GRIN3A: variants seen among roughly 807,000 people sequenced by gnomAD.
The protein encoded by GRIN3A is glutamate receptor ionotropic, NMDA 3A.
Under a neutral mutation model 92.4 loss-of-function variants are expected in GRIN3A, and 47 were observed. The observed-to-expected ratio is 0.51, with a 90% CI of 0.40 to 0.65. The LOEUF (loss-of-function observed/expected upper bound fraction) is 0.65. GRIN3A is among the 30% of genes least tolerant of loss of function. The pLI is 0.00. For missense variants in GRIN3A, 1,324 were observed against 1,393.1 expected (o/e 0.95, Z 0.79); for synonymous variants, 527 against 540.6 (o/e 0.97, Z 0.35).
At chr9:101,627,311 A>G (rs970124169) in intron 4 of GRIN3A, among the ~76,000 whole-genome samples, 1 of 152,224 alleles carries the variant, frequency 6.6e-6, no homozygotes, top group Non-Finnish European at 1.5e-5. Context: ...GCTATAGTTA[A>G]AAGTCCATAA....
chr9:101,669,955 A>C, intron 3 of GRIN3A, 105 bp downstream of exon 3: 1 of 873,282 alleles, frequency 1.1e-6, no homozygotes, highest in Non-Finnish European at 1.9e-6. Flanking sequence ...GGCTGAGAGA[A>C]TATTCCTGTG....
At position 101,686,750 on chromosome 9, in the gene GRIN3A, C is replaced by T; in HGVS notation, c.1150G>A (p.Val384Ile). The T allele has an allele frequency of 6.2e-7, 1 of 1,614,178 alleles. No individual in the cohort carries two copies. Residue 384 changes from valine (V) to isoleucine (I), a missense_variant, in exon 2 of 9, where the codon GTC (valine) becomes ATC (isoleucine). Physicochemically the swap from Val to Ile is conservative, Grantham distance 29 (BLOSUM62 3). Transcript: ENST00000361820. ...GCATCTTGTACGTAGTGCTCAAAGA[C>T]AGACTGTGTTGTTTTTCCATGAGCA... is the stretch of plus-strand genomic sequence containing the variant. The part of the protein sequence containing the change: ...LIAHGKTTQS[V>I]FEHYVQDAME...
rs977048396 is a variant in GRIN3A at position 101,737,363 on chromosome 9, A to G, written c.617T>C (p.Met206Thr). Residue 206 changes from methionine to threonine, a missense_variant, in exon 1 of 9, where the codon ATG becomes ACG. By Grantham distance (81) the Met-to-Thr change is moderately conservative. Coordinates refer to ENST00000361820, the MANE Select transcript of GRIN3A (RefSeq NM_133445.3). ...TAAGCTGACCAAGTCGAGCTCCATC[A>G]TTTCGCCCTGGCTCTGGGGGAAGGC... is the stretch of plus-strand genomic sequence containing the variant. ...LLAFPQSQGE[M>T]MELDLVSLVL... The G allele has an allele frequency of 2.0e-5, 32 of 1,613,986 alleles. No homozygotes were observed. Among genetic ancestry groups the G allele is most frequent in the African/African-American group, 5.3e-5 (4 of 74,904 alleles).
At position 101,626,222 on chromosome 9, in the gene GRIN3A, C is replaced by T. The variant is rs144489335; in HGVS notation, c.2498+2034G>A. On this transcript the variant is annotated intron_variant, in intron 4 of 8. Transcript: ENST00000361820. ...GCATTATTTAAAAATACATATCACA[C>T]ATCACAAGAAAACCAGTCACATATT... is the stretch of plus-strand genomic sequence containing the variant. Among the ~76,000 whole-genome samples, 948 of 152,282 alleles carry T rather than the reference C, an allele frequency of 6.2e-3. 6 individuals carry two copies. The highest frequency in any genetic ancestry group is 0.021 in the African/African-American group (892 of 41,532).
At position 101,683,640 on chromosome 9, in the gene GRIN3A, G is replaced by T. The variant is rs1320768168; in HGVS notation, c.1304+2956C>A. Among the ~76,000 whole-genome samples the T allele has an allele frequency of 2.6e-5, 4 of 152,098 alleles. No individual in the cohort carries two copies. In the East Asian group the frequency reaches 7.7e-4, roughly 29 times the overall value. ...CCCTCAGGAGTTTAAAAAGTCTCAG[G>T]TATACTTCCTGAAGTTCTTTGGGTT... is the stretch of plus-strand genomic sequence containing the variant. On this transcript the variant is annotated intron_variant, in intron 2 of 8. Transcript: ENST00000361820.
intron 1 of GRIN3A, among the ~76,000 whole-genome samples, chr9:101,710,673 T>C (rs1829867011): frequency 6.6e-6 from 1 of 152,246 alleles, no homozygotes; most frequent in Non-Finnish European, 1.5e-5. Context: ...AGTCAACCTC[T>C]GGTGATGAGG....
At chr9:101,662,591 A>G (rs934573758) in intron 3 of GRIN3A, among the ~76,000 whole-genome samples, 6 of 151,608 alleles carry the variant, frequency 4.0e-5, no homozygotes, top group Admixed American at 4.0e-4. Flanking sequence ...GAAAAGATTA[A>G]CATTAATATA....
chr9:101,594,774 G>A (rs746497872), intron 6 of GRIN3A: 15 of 1,613,724 alleles, frequency 9.3e-6, no homozygotes, highest in Non-Finnish European at 1.3e-5. Flanking sequence ...GGGTTGTGGC[G>A]CAGCTCCGGC....
chr9:101,633,612 G>A (rs545258465), intron 3 of GRIN3A, among the ~76,000 whole-genome samples: 36 of 152,166 alleles, frequency 2.4e-4, no homozygotes, highest in Non-Finnish European at 4.4e-4. Flanking sequence ...GGTCAGCAGC[G>A]GCATGATATT....
At chr9:101,669,818 A>G (rs1287130234) in intron 3 of GRIN3A, among the ~76,000 whole-genome samples, 1 of 152,118 alleles carries the variant, frequency 6.6e-6, no homozygotes, top group African/African-American at 2.4e-5. Context: ...AGATATTTCT[A>G]TCAGAAAGAC....
intron 2 of GRIN3A, among the ~76,000 whole-genome samples, chr9:101,676,119 T>C (rs940068739): frequency 3.4e-5 from 5 of 147,918 alleles, no homozygotes; most frequent in African/African-American, 1.2e-4. Flanking sequence ...GTTTTCAGCC[T>C]TCATTTCTGT....
chr9:101,587,064 CTT>C (rs1487874417), intron 6 of GRIN3A, among the ~76,000 whole-genome samples: 1 of 152,176 alleles, frequency 6.6e-6, no homozygotes, highest in Non-Finnish European at 1.5e-5. Flanking sequence ...AATCCTAACA[CTT>C]TGGGAGGCCG....
intron 1 of GRIN3A, among the ~76,000 whole-genome samples, chr9:101,736,036 C>G (rs1830200490): frequency 6.6e-6 from 1 of 152,178 alleles, no homozygotes; most frequent in Non-Finnish European, 1.5e-5. Flanking sequence ...TAGATTCTAT[C>G]AAACTTTTCA....
At chr9:101,715,861 A>G (rs1356094537) in intron 1 of GRIN3A, among the ~76,000 whole-genome samples, 2 of 152,230 alleles carry the variant, frequency 1.3e-5, no homozygotes, top group East Asian at 3.8e-4. Flanking sequence ...AAGGAAATAT[A>G]TGTTAAGGTG....
chr9:101,579,988 T>G (rs1588234838), intron 6 of GRIN3A, among the ~76,000 whole-genome samples: 1 of 152,218 alleles, frequency 6.6e-6, no homozygotes, highest in South Asian at 2.1e-4. Flanking sequence ...CTGCTTCACA[T>G]TTGGACATCA....
intron 6 of GRIN3A, among the ~76,000 whole-genome samples, chr9:101,603,252 C>T (rs1248200220): frequency 6.6e-6 from 1 of 151,988 alleles, no homozygotes; most frequent in Non-Finnish European, 1.5e-5. Flanking sequence ...CCAAGATGGG[C>T]CTAAGAGGGT....
intron 5 of GRIN3A, among the ~76,000 whole-genome samples, chr9:101,621,391 T>C (rs905433016): frequency 5.3e-5 from 8 of 152,176 alleles, no homozygotes; most frequent in Non-Finnish European, 1.0e-4. Context: ...ATACGTATCC[T>C]TTTGTATTTT....
intron 3 of GRIN3A, among the ~76,000 whole-genome samples, chr9:101,640,761 G>A (rs902335834): frequency 6.6e-6 from 1 of 152,104 alleles, no homozygotes; most frequent in Non-Finnish European, 1.5e-5. Context: ...TTATAAAGAG[G>A]AGGTTCCCTG....
Position 101,738,096 on chromosome 9 carries a change from A to G in GRIN3A, c.-117T>C, listed in dbSNP as rs1830242787. ...CGCGCAGCTTCACTCCACTCGGTGA[A>G]GCGGTCCCAGGAGCTGGAGCGGTCT... is the stretch of plus-strand genomic sequence containing the variant. On this transcript the variant is annotated 5_prime_UTR_variant, in exon 1 of 9. Coordinates refer to ENST00000361820, the MANE Select transcript of GRIN3A (RefSeq NM_133445.3). The G allele has an allele frequency of 2.2e-6, 2 of 890,574 alleles. No homozygotes were observed. The highest frequency in any genetic ancestry group is 3.6e-6 in the Non-Finnish European group (2 of 559,378). The allele number at this position is 890,574 out of a possible 1,614,324, so 55.2% of individuals were successfully genotyped here. A position where few individuals can be genotyped will look rare whatever the true frequency, so the allele number is the denominator to read the frequency against.
Sources: gnomAD v4.1 joint callset for allele counts (sites outside exome capture counted in the v4.1 genomes callset) on GRCh38, gnomAD v4.1.1 for gene constraint, MANE v1.5 for transcripts, NCBI Gene and HGNC (gene_info 2026-07-23, HGNC 2026-07-21) for gene names.